The following ASTN2 variants were observed in gnomAD, a reference collection of about 807,000 sequenced individuals.
ASTN2 encodes astrotactin-2.
In ASTN2, 54 loss-of-function variants were observed where a neutral mutation model predicts 139.8. The ratio of observed to expected loss-of-function variants is 0.39; its 90% CI spans 0.31 to 0.48. The LOEUF (loss-of-function observed/expected upper bound fraction) is 0.48, where lower values mean the gene tolerates loss of function less well. ASTN2 is among the 20% of genes least tolerant of loss of function. ASTN2 has a pLI of 0.95. For synonymous variants in ASTN2, 756 were observed against 719.5 expected (o/e 1.05, Z -0.81); for missense variants, 1,565 against 1,725.1 (o/e 0.91, Z 1.64).
intron 13 of ASTN2, among the ~76,000 whole-genome samples, chr9:116,792,578 G>A (rs1486252647): frequency 6.6e-6 from 1 of 152,180 alleles, no homozygotes; most frequent in African/African-American, 2.4e-5. Context: ...CCATCAGATA[G>A]CAGAGCGGAT....
At chr9:116,450,665 C>T (rs901439985) in intron 20 of ASTN2, among the ~76,000 whole-genome samples, 5 of 152,128 alleles carry the variant, frequency 3.3e-5, no homozygotes, top group African/African-American at 9.7e-5. Flanking sequence ...GTGCTAGCTA[C>T]CAAGCAAAGT....
At chr9:116,490,065 G>C (rs1193978493) in intron 19 of ASTN2, among the ~76,000 whole-genome samples, 5 of 151,872 alleles carry the variant, frequency 3.3e-5, no homozygotes, top group African/African-American at 1.2e-4. Context: ...AAAGCCAAGG[G>C]TCTAGAAAGA....
chr9:116,980,410 G>A (rs934258908), intron 7 of ASTN2, among the ~76,000 whole-genome samples: 1 of 151,686 alleles, frequency 6.6e-6, no homozygotes, highest in East Asian at 1.9e-4. Context: ...AAAGAAAAGT[G>A]TTTCCTTCCC....
intron 1 of ASTN2, among the ~76,000 whole-genome samples, chr9:117,394,269 C>G (rs7873200): frequency 6.6e-6 from 1 of 152,188 alleles, no homozygotes; most frequent in African/African-American, 2.4e-5. Flanking sequence ...TTCTGCAATA[C>G]TGGACACGTT....
At position 116,432,961 on chromosome 9, in the gene ASTN2, GAGGGAAGGAAGGA is replaced by G. The variant is rs1332670936; in HGVS notation, c.3783-6886_3783-6874del. On this transcript the variant is annotated intron_variant, in intron 22 of 22. Transcript: ENST00000313400. ...GGAAGGAAGGAAGAAAGGAAGGAAG[GAGGGAAGGAAGGA>G]AGGGAAGGAAATAAATGCAAAGTGA... Among the ~76,000 whole-genome samples, 6 of 152,132 alleles carry G rather than the reference GAGGGAAGGAAGGA, an allele frequency of 3.9e-5. No individual in the cohort carries two copies. The East Asian group carries it at 1.2e-3, about 30-fold the overall frequency.
intron 4 of ASTN2, among the ~76,000 whole-genome samples, chr9:117,108,774 T>C (rs1284825730): frequency 6.6e-6 from 1 of 152,196 alleles, no homozygotes; most frequent in Non-Finnish European, 1.5e-5. Context: ...ATCTGGTATC[T>C]GTGGTATATC....
chr9:117,024,579 C>T (rs774907295), intron 6 of ASTN2, among the ~76,000 whole-genome samples: 2 of 151,984 alleles, frequency 1.3e-5, no homozygotes, highest in African/African-American at 2.4e-5. Flanking sequence ...ACAAGATAGA[C>T]CATTATAATA....
chr9:117,194,926 C>A (rs943186810), intron 3 of ASTN2, among the ~76,000 whole-genome samples: 2 of 151,296 alleles, frequency 1.3e-5, no homozygotes, highest in Non-Finnish European at 2.9e-5. Flanking sequence ...GGTTACCAAT[C>A]AGTGGAAAGA....
At chr9:117,371,336 A>G (rs149944429) in intron 1 of ASTN2, among the ~76,000 whole-genome samples, 2 of 152,286 alleles carry the variant, frequency 1.3e-5, no homozygotes, top group African/African-American at 4.8e-5. Context: ...AAAAGGGTCT[A>G]TATATTTTTA....
chr9:117,287,146 T>C (rs942793720), intron 2 of ASTN2, among the ~76,000 whole-genome samples: 28 of 152,152 alleles, frequency 1.8e-4, no homozygotes, highest in African/African-American at 6.0e-4. Flanking sequence ...GTGGTGGCAG[T>C]CATTATTTTC....
chr9:116,793,763 A>G (rs894305558), intron 13 of ASTN2, among the ~76,000 whole-genome samples: 3 of 152,362 alleles, frequency 2.0e-5, no homozygotes, highest in Admixed American at 2.0e-4. Flanking sequence ...CCTGTGGCCT[A>G]CTGATGCATA....
At chr9:116,840,255 A>G (rs1344689816) in intron 11 of ASTN2, among the ~76,000 whole-genome samples, 6 of 150,078 alleles carry the variant, frequency 4.0e-5, no homozygotes, top group African/African-American at 1.5e-4. Flanking sequence ...GAACAAAATG[A>G]AAAGTCTCCC....
intron 3 of ASTN2, among the ~76,000 whole-genome samples, chr9:117,197,653 T>C (rs943550475): frequency 1.4e-4 from 22 of 152,230 alleles, no homozygotes; most frequent in Non-Finnish European, 3.1e-4. Context: ...GTTATGGCTA[T>C]ATTGGAAAAT....
chr9:117,367,233 C>T (rs1829868941), intron 1 of ASTN2, among the ~76,000 whole-genome samples: 1 of 152,168 alleles, frequency 6.6e-6, no homozygotes, highest in Non-Finnish European at 1.5e-5. Context: ...TACTATTGTG[C>T]AGGATTCTCT....
chr9:116,635,464 A>T (rs1857029231), intron 17 of ASTN2, among the ~76,000 whole-genome samples: 1 of 152,246 alleles, frequency 6.6e-6, no homozygotes, highest in African/African-American at 2.4e-5. Flanking sequence ...ATACATAAAA[A>T]ATAAGCAAAT....
At chr9:117,300,419 A>T (rs1001353888) in intron 1 of ASTN2, among the ~76,000 whole-genome samples, 1 of 152,206 alleles carries the variant, frequency 6.6e-6, no homozygotes, top group Non-Finnish European at 1.5e-5. Context: ...TGTCAAATCA[A>T]TGTATCACTA....
chr9:116,687,164 G>C, intron 16 of ASTN2: 2 of 1,068,256 alleles, frequency 1.9e-6, no homozygotes, highest in South Asian at 6.1e-5. Flanking sequence ...AAGGCCCCGG[G>C]TTCTCAGAGG....
chr9:117,169,303 C>T (rs1830738347), intron 3 of ASTN2, among the ~76,000 whole-genome samples: 2 of 152,008 alleles, frequency 1.3e-5, no homozygotes, highest in South Asian at 4.1e-4. Context: ...AGTCCAAATG[C>T]CTCTGTTTGC....
At position 116,450,867 on chromosome 9, in the gene ASTN2, C is replaced by T. The variant is rs533074721; in HGVS notation, c.3498-8314G>A. ...AACATAAATATTTAATTCTAGTGCC[C>T]GGAACAGAGAGACCATCTTGGTATT... On this transcript the variant is annotated intron_variant, in intron 20 of 22. Coordinates refer to ENST00000313400, the MANE Select transcript of ASTN2 (RefSeq NM_001365068.1). 1.4e-4 allele frequency among the ~76,000 whole-genome samples: 21 copies of T among 152,232 alleles called. 1 individual carries two copies. The highest frequency in any genetic ancestry group is 4.6e-4 in the African/African-American group (19 of 41,534).
Sources: gnomAD v4.1 joint callset for allele counts (sites outside exome capture counted in the v4.1 genomes callset) on GRCh38, gnomAD v4.1.1 for gene constraint, MANE v1.5 for transcripts, NCBI Gene and HGNC (gene_info 2026-07-23, HGNC 2026-07-21) for gene names.